Variants in NCAM1 observed in about 807,000 individuals in gnomAD.
NCAM1 encodes the protein antigen recognized by monoclonal antibody 5.1H11.
In NCAM1, 14 loss-of-function variants were observed where a neutral mutation model predicts 109.8. The observed-to-expected ratio is 0.13, with a 90% CI of 0.08 to 0.20. The LOEUF (loss-of-function observed/expected upper bound fraction) is 0.20, where lower values mean the gene tolerates loss of function less well. Ranked by LOEUF, NCAM1 falls within the 10% of genes least tolerant of loss-of-function variation. NCAM1 has a pLI of 1.00. For missense variants in NCAM1, 774 were observed against 1,109.9 expected (o/e 0.70, Z 4.30); for synonymous variants, 418 against 442.9 (o/e 0.94, Z 0.70).
intron 19 of NCAM1, 63 bp from the exon 20 acceptor site, chr11:113,275,204 A>G (rs1320658756): frequency 6.3e-7 from 1 of 1,599,660 alleles, no homozygotes; most frequent in African/African-American, 1.3e-5. Context: ...CAAGGCCTGG[A>G]TGCAGGGGCG....
intron 1 of NCAM1, among the ~76,000 whole-genome samples, chr11:113,081,740 G>T (rs1938829792): frequency 6.6e-6 from 1 of 151,968 alleles, no homozygotes; most frequent in African/African-American, 2.4e-5. Context: ...CACCACGTTG[G>T]CCAGGCTGGT....
At chr11:113,063,341 T>C (rs1165216312) in intron 1 of NCAM1, among the ~76,000 whole-genome samples, 1 of 152,178 alleles carries the variant, frequency 6.6e-6, no homozygotes, top group Non-Finnish European at 1.5e-5. Flanking sequence ...CTTCCTCCCT[T>C]TCTGATTTAG....
At chr11:113,156,737 G>A (rs573397838) in intron 1 of NCAM1, among the ~76,000 whole-genome samples, 1 of 152,294 alleles carries the variant, frequency 6.6e-6, no homozygotes, top group East Asian at 1.9e-4. Flanking sequence ...GTTGGATTAA[G>A]CTGTAATCAA....
chr11:113,259,242 G>A (rs1388739985), intron 16 of NCAM1, among the ~76,000 whole-genome samples: 3 of 151,546 alleles, frequency 2.0e-5, no homozygotes, highest in Admixed American at 6.6e-5. Flanking sequence ...TAGTAGAGAC[G>A]GGGTTTCACC....
intron 1 of NCAM1, among the ~76,000 whole-genome samples, chr11:113,067,915 T>G (rs1277885100): frequency 2.0e-5 from 3 of 149,522 alleles, no homozygotes; most frequent in Non-Finnish European, 3.0e-5. Context: ...AGTTTTTTTT[T>G]TTTTTTTTTT....
At chr11:113,062,554 T>C (rs782274769) in intron 1 of NCAM1, among the ~76,000 whole-genome samples, 2 of 152,224 alleles carry the variant, frequency 1.3e-5, no homozygotes, top group East Asian at 3.9e-4. Context: ...CTTTAAACCA[T>C]GCTAAGTGCC....
intron 1 of NCAM1, among the ~76,000 whole-genome samples, chr11:113,105,147 G>T (rs782204322): frequency 6.6e-6 from 1 of 152,220 alleles, no homozygotes; most frequent in African/African-American, 2.4e-5. Context: ...AGGCTTGTGG[G>T]TGGGATGTAC....
At chr11:113,193,030 T>A (rs1943732206) in intron 1 of NCAM1, among the ~76,000 whole-genome samples, 2 of 152,222 alleles carry the variant, frequency 1.3e-5, no homozygotes, top group African/African-American at 4.8e-5. Context: ...ACCTGTTGTG[T>A]TCTATATAAG....
chr11:113,206,338 C>CTTT (rs199506206), intron 5 of NCAM1, among the ~76,000 whole-genome samples, 158 bp downstream of exon 5: 2 of 136,220 alleles, frequency 1.5e-5, no homozygotes, highest in Non-Finnish European at 1.6e-5. Context: ...ATCTAGATTT[C>CTTT]TTTTTTTTTT....
chr11:113,196,935 T>A (rs1943873644), intron 1 of NCAM1, among the ~76,000 whole-genome samples: 1 of 152,218 alleles, frequency 6.6e-6, no homozygotes, highest in African/African-American at 2.4e-5. Flanking sequence ...GGGAAGAGGT[T>A]TAATTGACTC....
intron 1 of NCAM1, among the ~76,000 whole-genome samples, chr11:113,113,493 C>A (rs1555094179): frequency 6.6e-6 from 1 of 152,124 alleles, no homozygotes; most frequent in African/African-American, 2.4e-5. Context: ...AATAAACCTG[C>A]AGTATTATCC....
chr11:113,274,296 G>T lies in NCAM1; in HGVS notation c.2457-971G>T, dbSNP rs533208315. ...TCTTGCTTCTCCTGCTCTTAGAGTGGCTGGGAAGACTCGGGGCTCCCCAGC... is the reference window on the plus strand; with the variant it reads ...TCTTGCTTCTCCTGCTCTTAGAGTGTCTGGGAAGACTCGGGGCTCCCCAGC... On this transcript the variant is annotated intron_variant, in intron 19 of 19. Transcript: ENST00000316851. This position sits in a 1 kb window ranked among gnomAD's most constrained non-coding sequence, Gnocchi z 4.1. Among the ~76,000 whole-genome samples the T allele has an allele frequency of 2.0e-5, 3 of 152,316 alleles. No individual in the cohort carries two copies. In the East Asian group the frequency reaches 5.8e-4, roughly 29 times the overall value.
chr11:113,105,945 A>T (rs549110268), intron 1 of NCAM1, among the ~76,000 whole-genome samples: 1 of 152,350 alleles, frequency 6.6e-6, no homozygotes, highest in Non-Finnish European at 1.5e-5. Flanking sequence ...TGAGTTTGAA[A>T]AATAGAAAAA....
intron 1 of NCAM1, among the ~76,000 whole-genome samples, chr11:113,059,230 C>T (rs1953832055): frequency 1.3e-5 from 2 of 152,184 alleles, no homozygotes; most frequent in African/African-American, 4.8e-5. Flanking sequence ...GTGAGCTCAA[C>T]CAAAATCTCT....
intron 19 of NCAM1, among the ~76,000 whole-genome samples, chr11:113,272,360 G>A (rs1010986951): frequency 6.6e-6 from 1 of 152,172 alleles, no homozygotes; most frequent in Admixed American, 6.5e-5. Context: ...CTGCCTAGCT[G>A]TCAAGGATCT....
chr11:113,000,851 CA>C (rs35614573), intron 1 of NCAM1, among the ~76,000 whole-genome samples: 1 of 91,374 alleles, frequency 1.1e-5, no homozygotes, highest in South Asian at 3.9e-4. Context: ...TATATATACA[CA>C]AAAAATATAT....
At chr11:113,034,515 A>G (rs373006438) in intron 1 of NCAM1, among the ~76,000 whole-genome samples, 4 of 152,122 alleles carry the variant, frequency 2.6e-5, no homozygotes, top group East Asian at 1.9e-4. Flanking sequence ...TGTACATATG[A>G]ATTGCTTATG....
intron 1 of NCAM1, among the ~76,000 whole-genome samples, chr11:113,056,025 A>ATG (rs1953700347): frequency 8.2e-6 from 1 of 122,156 alleles, no homozygotes; most frequent in Non-Finnish European, 1.7e-5. Context: ...ATATATATAT[A>ATG]AAATATATAT....
intron 1 of NCAM1, among the ~76,000 whole-genome samples, chr11:113,047,608 G>A (rs1953316006): frequency 6.6e-6 from 1 of 152,014 alleles, no homozygotes; most frequent in Admixed American, 6.6e-5. Flanking sequence ...CCTCTGTTTT[G>A]GTCTATTCTC....
Sources: allele counts gnomAD v4.1 joint callset (sites outside exome capture counted in the v4.1 genomes callset), GRCh38; gene constraint gnomAD v4.1.1; non-coding constraint Gnocchi (gnomAD v3.1); transcripts MANE v1.5; gene names NCBI Gene and HGNC (gene_info 2026-07-23, HGNC 2026-07-21).